The following RPS6KC1 variants were observed in gnomAD, a reference collection of about 807,000 sequenced individuals.
RPS6KC1 encodes ribosomal protein S6 kinase C1.
A neutral mutation model predicts 103.8 loss-of-function variants in RPS6KC1; 54 were observed. That is an observed-to-expected ratio of 0.52 (90% confidence interval 0.42 to 0.65). RPS6KC1 has a LOEUF of 0.65. Ranked by LOEUF, RPS6KC1 falls within the 30% of genes least tolerant of loss-of-function variation. The pLI is 0.00. For missense variants in RPS6KC1, 1,151 were observed against 1,253.8 expected, an observed-to-expected ratio of 0.92 and a Z score of 1.24; for synonymous variants, 439 against 438.7, an observed-to-expected ratio of 1.00 and a Z score of -0.01.
chr1:213,622,639 T>G, the RPS6KC1 span, among the ~76,000 whole-genome samples: 1 of 152,146 alleles, frequency 6.6e-6, no homozygotes, highest in Non-Finnish European at 1.5e-5. Context: ...TGCAGTCGGC[T>G]GCACGTATGT....
chr1:213,729,342 C>T, the RPS6KC1 span, among the ~76,000 whole-genome samples: 70 of 152,216 alleles, frequency 4.6e-4, no homozygotes, highest in African/African-American at 1.6e-3. Context: ...TAGATCGACT[C>T]CTTTGGTGTC....
the RPS6KC1 span, among the ~76,000 whole-genome samples, chr1:213,768,848 C>G: frequency 6.6e-6 from 1 of 152,166 alleles, no homozygotes; most frequent in Non-Finnish European, 1.5e-5. Flanking sequence ...GAGAACAACG[C>G]CTGCAGAACT....
At chr1:213,673,404 A>G in the RPS6KC1 span, among the ~76,000 whole-genome samples, 1 of 152,202 alleles carries the variant, frequency 6.6e-6, no homozygotes, top group African/African-American at 2.4e-5. Flanking sequence ...AAAAGAGGTG[A>G]ATTTGTCAGC....
intron 12 of RPS6KC1, among the ~76,000 whole-genome samples, chr1:213,246,842 G>A (rs1404407206): frequency 6.6e-6 from 1 of 151,950 alleles, no homozygotes; most frequent in Non-Finnish European, 1.5e-5. Flanking sequence ...TCATGCCTGC[G>A]AATAGCTACT....
chr1:213,675,397 G>C, the RPS6KC1 span, among the ~76,000 whole-genome samples: 2 of 152,156 alleles, frequency 1.3e-5, no homozygotes, highest in African/African-American at 4.8e-5. Context: ...CTTATAGTTT[G>C]AAGTCTTACA....
At chr1:213,562,729 T>A in the RPS6KC1 span, among the ~76,000 whole-genome samples, 1 of 152,222 alleles carries the variant, frequency 6.6e-6, no homozygotes, top group East Asian at 1.9e-4. Flanking sequence ...AGTGGTGTAA[T>A]GAGAGCTCAT....
At chr1:213,637,610 G>A in the RPS6KC1 span, among the ~76,000 whole-genome samples, 1 of 151,986 alleles carries the variant, frequency 6.6e-6, no homozygotes, top group Non-Finnish European at 1.5e-5. Context: ...CAGGATTACT[G>A]GTTGAAATGA....
chr1:213,586,977 G>A, the RPS6KC1 span, among the ~76,000 whole-genome samples: 1 of 152,132 alleles, frequency 6.6e-6, no homozygotes, highest in African/African-American at 2.4e-5. Context: ...AATCCCCCAC[G>A]CAAGTCACCT....
the RPS6KC1 span, among the ~76,000 whole-genome samples, chr1:213,341,287 G>A: frequency 6.6e-6 from 1 of 152,194 alleles, no homozygotes; most frequent in Non-Finnish European, 1.5e-5. Context: ...ACACTCAAGT[G>A]TGACTGACTG....
At chr1:213,808,163 G>C in the RPS6KC1 span, among the ~76,000 whole-genome samples, 2 of 149,254 alleles carry the variant, frequency 1.3e-5, no homozygotes, top group East Asian at 4.0e-4. Context: ...GTACCCGGCT[G>C]TGTGAGGTGT....
chr1:213,833,252 G>A, the RPS6KC1 span, among the ~76,000 whole-genome samples: 3 of 152,156 alleles, frequency 2.0e-5, no homozygotes, highest in Admixed American at 6.5e-5. Flanking sequence ...TCATGGCCAC[G>A]GTCTTGAAAT....
chr1:213,293,134 G>T, the RPS6KC1 span, among the ~76,000 whole-genome samples: 1 of 152,190 alleles, frequency 6.6e-6, no homozygotes, highest in East Asian at 1.9e-4. Context: ...GCAGAAGTGG[G>T]CATAGCCTGC....
the RPS6KC1 span, among the ~76,000 whole-genome samples, chr1:213,797,823 T>C: frequency 2.0e-5 from 3 of 152,294 alleles, no homozygotes; most frequent in East Asian, 5.8e-4. Context: ...TCATTCTGAG[T>C]CATTTGACCC....
the RPS6KC1 span, among the ~76,000 whole-genome samples, chr1:213,795,711 A>G: frequency 3.3e-5 from 5 of 152,034 alleles, no homozygotes; most frequent in African/African-American, 1.2e-4. Flanking sequence ...GAGTATCCAC[A>G]TCTCCCCCAA....
the RPS6KC1 span, among the ~76,000 whole-genome samples, chr1:213,550,062 A>T: frequency 2.0e-5 from 3 of 152,158 alleles, no homozygotes; most frequent in African/African-American, 7.2e-5. Flanking sequence ...TGAAATAATC[A>T]TAATTGTGTG....
At chr1:213,570,234 C>A in the RPS6KC1 span, among the ~76,000 whole-genome samples, 1 of 152,020 alleles carries the variant, frequency 6.6e-6, no homozygotes, top group Non-Finnish European at 1.5e-5. Context: ...TCTCATTTAC[C>A]AAAAGGGATA....
At chr1:213,615,958 C>CT in the RPS6KC1 span, among the ~76,000 whole-genome samples, 7 of 152,194 alleles carry the variant, frequency 4.6e-5, no homozygotes, top group Non-Finnish European at 1.0e-4. Context: ...AAAGGAAGGC[C>CT]AGCCAGTTGA....
chr1:213,676,124 C>T, the RPS6KC1 span, among the ~76,000 whole-genome samples: 1 of 152,180 alleles, frequency 6.6e-6, no homozygotes, highest in Non-Finnish European at 1.5e-5. Context: ...TATACCTTTA[C>T]ACGTGTTGTT....
At chr1:213,702,201 CT>C in the RPS6KC1 span, among the ~76,000 whole-genome samples, 1 of 151,688 alleles carries the variant, frequency 6.6e-6, no homozygotes, top group South Asian at 2.1e-4. Flanking sequence ...ATATTGTTTA[CT>C]TTCCATGTAT....
Sources: allele counts gnomAD v4.1 joint callset (sites outside exome capture counted in the v4.1 genomes callset), GRCh38; gene constraint gnomAD v4.1.1; transcripts MANE v1.5; gene names NCBI Gene and HGNC (gene_info 2026-07-23, HGNC 2026-07-21).